The following TAFA1 variants were observed in gnomAD, a reference collection of about 807,000 sequenced individuals.
The protein encoded by TAFA1 is chemokine-like protein TAFA-1.
Under a neutral mutation model 18.5 loss-of-function variants are expected in TAFA1, and 4 were observed. The ratio of observed to expected loss-of-function variants is 0.22; its 90% CI spans 0.11 to 0.49. The LOEUF (loss-of-function observed/expected upper bound fraction) is 0.49, where lower values mean the gene tolerates loss of function less well. TAFA1 is among the 20% of genes least tolerant of loss of function. TAFA1 has a pLI of 0.98. For synonymous variants in TAFA1, 56 were observed against 55.2 expected, an observed-to-expected ratio of 1.01 and a Z score of -0.06; for missense variants, 147 against 169.0, an observed-to-expected ratio of 0.87 and a Z score of 0.72.
At chr3:68,414,543 C>T (rs752656749) in intron 2 of TAFA1, among the ~76,000 whole-genome samples, 2 of 152,106 alleles carry the variant, frequency 1.3e-5, no homozygotes, top group African/African-American at 4.8e-5. Flanking sequence ...CCCTCTGAGC[C>T]TCAGCTTCTC....
At chr3:68,103,550 G>A (rs961550659) in intron 2 of TAFA1, among the ~76,000 whole-genome samples, 18 of 152,034 alleles carry the variant, frequency 1.2e-4, no homozygotes, top group African/African-American at 3.9e-4. Flanking sequence ...ACCTAGAAAA[G>A]CTCAGAGGAA....
chr3:68,228,542 T>G (rs572456183), intron 2 of TAFA1, among the ~76,000 whole-genome samples: 40 of 152,236 alleles, frequency 2.6e-4, no homozygotes, highest in Non-Finnish European at 2.1e-4. Context: ...TACTTTTACT[T>G]CTTTCATTTA....
intron 2 of TAFA1, among the ~76,000 whole-genome samples, chr3:68,369,371 T>C (rs2069635374): frequency 6.6e-6 from 1 of 152,256 alleles, no homozygotes; most frequent in Non-Finnish European, 1.5e-5. Context: ...GCATTATATC[T>C]CAATACATTA....
chr3:68,440,757 C>G (rs989432085), intron 3 of TAFA1, among the ~76,000 whole-genome samples: 2 of 152,136 alleles, frequency 1.3e-5, no homozygotes, highest in Admixed American at 6.6e-5. Context: ...CTCTTGTATT[C>G]CACACATACT....
chr3:68,514,708 C>A (rs1172804637), intron 3 of TAFA1, among the ~76,000 whole-genome samples: 2 of 124,740 alleles, frequency 1.6e-5, no homozygotes, highest in Admixed American at 9.1e-5. Context: ...ACCAGGGTAC[C>A]ACCCAGCAAT....
chr3:68,497,793 T>A (rs1454032521), intron 3 of TAFA1, among the ~76,000 whole-genome samples: 2 of 152,208 alleles, frequency 1.3e-5, no homozygotes, highest in Non-Finnish European at 2.9e-5. Flanking sequence ...TTGTGTTTGT[T>A]CATTTGTTTC....
chr3:67,998,871 C>T, the TAFA1 span, among the ~76,000 whole-genome samples: 297 of 152,276 alleles, frequency 2.0e-3, 1 homozygote, highest in Middle Eastern at 6.8e-3. Flanking sequence ...ATTATTTACT[C>T]CAGTTTGAAT....
chr3:68,032,454 C>G (rs1385312920), intron 2 of TAFA1, among the ~76,000 whole-genome samples: 1 of 152,146 alleles, frequency 6.6e-6, no homozygotes, highest in Admixed American at 6.6e-5. Context: ...AGAAACACCA[C>G]TGTGATGGCA....
At chr3:68,209,958 T>C (rs1339580054) in intron 2 of TAFA1, among the ~76,000 whole-genome samples, 1 of 151,908 alleles carries the variant, frequency 6.6e-6, no homozygotes, top group Non-Finnish European at 1.5e-5. Flanking sequence ...CACTTTTAAT[T>C]TTTTTTCCTA....
intron 2 of TAFA1, among the ~76,000 whole-genome samples, chr3:68,372,928 A>G (rs910594104): frequency 1.3e-5 from 2 of 152,204 alleles, no homozygotes; most frequent in African/African-American, 4.8e-5. Context: ...ATTTAAAACG[A>G]TAGTAAACAG....
At chr3:68,455,488 T>G (rs1455683724) in intron 3 of TAFA1, among the ~76,000 whole-genome samples, 3 of 152,194 alleles carry the variant, frequency 2.0e-5, no homozygotes, top group Non-Finnish European at 4.4e-5. Flanking sequence ...TCTGCCAGAC[T>G]GTCCAAGGTC....
chr3:68,031,723 A>T (rs1259662096), intron 2 of TAFA1, among the ~76,000 whole-genome samples: 1 of 152,186 alleles, frequency 6.6e-6, no homozygotes, highest in Non-Finnish European at 1.5e-5. Flanking sequence ...TGTTTAAAAA[A>T]TTTTAGGCTT....
At chr3:68,380,114 TGC>T (rs2069906357) in intron 2 of TAFA1, among the ~76,000 whole-genome samples, 1 of 152,176 alleles carries the variant, frequency 6.6e-6, no homozygotes, top group African/African-American at 2.4e-5. Context: ...TTTTTATGGC[TGC>T]ATAGTATTCC....
intron 2 of TAFA1, among the ~76,000 whole-genome samples, chr3:68,175,245 C>T: frequency 6.6e-6 from 1 of 152,196 alleles, no homozygotes. Context: ...GAGGTTGGAG[C>T]CCCAACACAG....
intron 2 of TAFA1, among the ~76,000 whole-genome samples, chr3:68,362,441 C>A (rs187126915): frequency 2.6e-5 from 4 of 152,214 alleles, no homozygotes; most frequent in African/African-American, 9.6e-5. Context: ...ATTCAGGAAA[C>A]AGCACAGGCA....
chr3:68,032,526 T>G (rs1704957700), intron 2 of TAFA1, among the ~76,000 whole-genome samples: 1 of 152,132 alleles, frequency 6.6e-6, no homozygotes, highest in South Asian at 2.1e-4. Flanking sequence ...GCAAAAAGAA[T>G]TACATCCTAG....
chr3:68,340,091 A>T (rs1438130450), intron 2 of TAFA1, among the ~76,000 whole-genome samples: 1 of 152,196 alleles, frequency 6.6e-6, no homozygotes, highest in Admixed American at 6.5e-5. Flanking sequence ...GATTCTCAAA[A>T]ACTAGTATGA....
intron 2 of TAFA1, among the ~76,000 whole-genome samples, chr3:68,223,934 A>G (rs1449829240): frequency 1.3e-5 from 2 of 151,554 alleles, no homozygotes; most frequent in East Asian, 3.9e-4. Context: ...CTCAACATCA[A>G]GTATATGAAT....
intron 2 of TAFA1, among the ~76,000 whole-genome samples, chr3:68,312,702 T>G (rs2068540633): frequency 6.6e-6 from 1 of 152,198 alleles, no homozygotes; most frequent in Admixed American, 6.5e-5. Flanking sequence ...CTTTCCCACA[T>G]TTTCCTGTCT....
Sources: allele counts gnomAD v4.1 joint callset (sites outside exome capture counted in the v4.1 genomes callset), GRCh38; gene constraint gnomAD v4.1.1; transcripts MANE v1.5; gene names NCBI Gene and HGNC (gene_info 2026-07-23, HGNC 2026-07-21).